The following PSG3 variants were observed in gnomAD, a reference collection of about 807,000 sequenced individuals.
PSG3 encodes the protein pregnancy-specific beta-1-glycoprotein 3.
Under a neutral mutation model 47.5 loss-of-function variants are expected in PSG3, and 61 were observed. The observed-to-expected ratio is 1.28, with a 90% CI of 1.05 to 1.59. PSG3 has a LOEUF of 1.59. PSG3 is among the 40% of genes most tolerant of loss of function. The pLI is 0.00. For synonymous variants in PSG3, 263 were observed against 198.4 expected (o/e 1.33, Z -2.74); for missense variants, 756 against 524.0 (o/e 1.44, Z -4.32).
At chr19:42,730,354 C>T (rs1969453081) in intron 3 of PSG3, among the ~76,000 whole-genome samples, 1 of 152,184 alleles carries the variant, frequency 6.6e-6, no homozygotes, top group Non-Finnish European at 1.5e-5. Context: ...CCCAGTCCCT[C>T]CATAATCAGT....
chr19:42,730,535 G>T (rs1251800162), intron 3 of PSG3, among the ~76,000 whole-genome samples: 2 of 152,222 alleles, frequency 1.3e-5, no homozygotes, highest in Non-Finnish European at 2.9e-5. Flanking sequence ...AAACCCTGAA[G>T]ATACTGAGCA....
chr19:42,735,677 A>T (rs143602929), intron 2 of PSG3, among the ~76,000 whole-genome samples: 5 of 152,196 alleles, frequency 3.3e-5, no homozygotes, highest in Non-Finnish European at 7.3e-5. Context: ...GAGGGATTTT[A>T]ATGAGTTGTT....
chr19:42,729,600 T>C (rs557140909), intron 4 of PSG3, among the ~76,000 whole-genome samples, 178 bp downstream of exon 4: 1 of 152,280 alleles, frequency 6.6e-6, no homozygotes, highest in South Asian at 2.1e-4. Flanking sequence ...CCTCCCCTTA[T>C]ATTCTTGGTT....
rs760418167 is a variant in PSG3, at chr19:42,738,836, G to A, written c.318C>T (p.Ser106=). The stretch of plus-strand genomic sequence containing the variant: ...CCCGGGTGACATTCTGGATCAGCAG[G>A]GATGCATTGGAATATACTGTTTCTC... The part of the protein sequence containing the change: ...SGRETVYSNA[S]LLIQNVTRED... The change falls in exon 2 of 7, where the codon TCC becomes TCT. Residue 106 remains serine, a synonymous_variant. Coordinates refer to ENST00000327495, the MANE Select transcript of PSG3 (RefSeq NM_021016.4). 25 of 1,613,958 alleles carry A rather than the reference G, an allele frequency of 1.5e-5. No individual in the cohort carries two copies. Among genetic ancestry groups the A allele is most frequent in the Non-Finnish European group, 1.9e-5 (23 of 1,180,020 alleles).
intron 1 of PSG3, 43 bp from the exon 2 acceptor site, chr19:42,739,132 A>T (rs1290552325): frequency 3.8e-6 from 6 of 1,561,040 alleles, no homozygotes; most frequent in Non-Finnish European, 5.2e-6. Flanking sequence ...AGACCTATGC[A>T]TTGGGGTGAA....
chr19:42,729,244 T>C lies in PSG3; in HGVS notation c.1122A>G (p.Leu374=). 2.5e-6 allele frequency: 4 copies of C among 1,614,094 alleles called. No homozygotes were observed. Among genetic ancestry groups the C allele is most frequent in the Admixed American group, 1.7e-5 (1 of 60,022 alleles). Residue 374 remains leucine (L), a synonymous_variant, in exon 5 of 7, where the codon CTA becomes CTG. Coordinates refer to ENST00000327495, the MANE Select transcript of PSG3 (RefSeq NM_021016.4). The part of the protein sequence containing the change: ...YSWTINGKFQ[L]SGQKLFIPQI... Reference sequence around the variant, plus strand: ...GGGGGATAAAGAGCTTTTGTCCTGATAGCTGAAACTTCCCATTAATTGTCC... The same window carrying C: ...GGGGGATAAAGAGCTTTTGTCCTGACAGCTGAAACTTCCCATTAATTGTCC...
At chr19:42,726,584 G>A (rs1006188536) in intron 5 of PSG3, among the ~76,000 whole-genome samples, 2 of 152,202 alleles carry the variant, frequency 1.3e-5, no homozygotes, top group Non-Finnish European at 1.5e-5. Flanking sequence ...TTTAACCAAA[G>A]AGGTAAAATG....
intron 2 of PSG3, among the ~76,000 whole-genome samples, chr19:42,738,414 A>G (rs538946182): frequency 6.6e-6 from 1 of 152,310 alleles, no homozygotes; most frequent in South Asian, 2.1e-4. Context: ...TCAGTTTGCC[A>G]GGGTCTTTCT....
chr19:42,725,814 T>C (rs1212488826), intron 5 of PSG3, among the ~76,000 whole-genome samples: 5 of 140,076 alleles, frequency 3.6e-5, no homozygotes, highest in African/African-American at 1.4e-4. Context: ...CAGTGAGCCA[T>C]AATCACACCA....
intron 3 of PSG3, among the ~76,000 whole-genome samples, chr19:42,731,160 G>A (rs1199687616): frequency 6.6e-5 from 10 of 152,214 alleles, no homozygotes; most frequent in African/African-American, 1.2e-4. Context: ...TCAAGGTGGG[G>A]AGGTTCTAGA....
chr19:42,734,982 T>C (rs901782187), intron 2 of PSG3, among the ~76,000 whole-genome samples: 8 of 152,312 alleles, frequency 5.3e-5, no homozygotes, highest in East Asian at 1.9e-4. Flanking sequence ...GCCAATGGTT[T>C]GTGTGTCTCC....
chr19:42,739,272 AC>A, intron 1 of PSG3, 183 bp from the exon 2 acceptor site: 1 of 1,110,336 alleles, frequency 9.0e-7, no homozygotes, highest in African/African-American at 1.6e-5. Flanking sequence ...CTACTCTCCT[AC>A]TAGGTGAAGG....
intron 2 of PSG3, 35 bp from the exon 3 acceptor site, chr19:42,733,097 G>A: frequency 6.3e-7 from 1 of 1,598,434 alleles, no homozygotes; most frequent in South Asian, 1.1e-5. Flanking sequence ...TGCCCTGTGT[G>A]GCACCTTTGA....
In PSG3 at chr19:42,740,390, C is replaced by G. The variant is rs1969653127; in HGVS notation, c.-6G>C. On this transcript the variant is annotated 5_prime_UTR_variant, in exon 1 of 7. Transcript: ENST00000327495. ...GGGGCTGAGAGGGGCCCCATGGTCT[C>G]TGCTGCCTGCGTGTTCTCCTCTGTG... The G allele has an allele frequency of 6.2e-7, 1 of 1,613,962 alleles. No homozygotes were observed. Among genetic ancestry groups the G allele is most frequent in the African/African-American group, 1.3e-5 (1 of 74,938 alleles).
chr19:42,722,143 T>G, intron 6 of PSG3, 53 bp from the exon 7 acceptor site: 2 of 406,326 alleles, frequency 4.9e-6, no homozygotes, highest in Non-Finnish European at 4.4e-6. Flanking sequence ...AATGAGAATT[T>G]ATTATGGTAA....
intron 1 of PSG3, among the ~76,000 whole-genome samples, chr19:42,739,844 C>G (rs1046837758): frequency 1.3e-5 from 2 of 152,188 alleles, no homozygotes; most frequent in Non-Finnish European, 2.9e-5. Flanking sequence ...CTACCTCTTA[C>G]CAATTCTGGT....
At chr19:42,722,113 A>C (rs1389039470) in intron 6 of PSG3, 23 bp from the exon 7 acceptor site, 5 of 411,250 alleles carry the variant, frequency 1.2e-5, no homozygotes, top group Admixed American at 4.4e-5. Flanking sequence ...AAGATTTAAA[A>C]TGACTATGGT....
At chr19:42,736,508 C>T (rs929853372) in intron 2 of PSG3, among the ~76,000 whole-genome samples, 19 of 152,140 alleles carry the variant, frequency 1.2e-4, no homozygotes, top group Non-Finnish European at 1.5e-5. Flanking sequence ...AGCCCTGATC[C>T]ACTGGGGAGG....
chr19:42,733,730 C>T (rs1410975207), intron 2 of PSG3: 1 of 154,214 alleles, frequency 6.5e-6, no homozygotes, highest in Non-Finnish European at 1.4e-5. Flanking sequence ...GAATGACCTA[C>T]AAAGAGTGAA....
Sources: gnomAD v4.1 joint callset for allele counts (sites outside exome capture counted in the v4.1 genomes callset) on GRCh38, gnomAD v4.1.1 for gene constraint, MANE v1.5 for transcripts, NCBI Gene and HGNC (gene_info 2026-07-23, HGNC 2026-07-21) for gene names.